Variants in LRRC28 observed in about 807,000 individuals in gnomAD.
LRRC28 encodes leucine rich repeat containing 28, also known as leucine-rich repeat-containing protein 28.
In LRRC28, 39 loss-of-function variants were observed where a neutral mutation model predicts 45.7. The ratio of observed to expected loss-of-function variants is 0.85; its 90% CI spans 0.66 to 1.12. The LOEUF is 1.12. LRRC28 is among the 50% of genes most tolerant of loss of function. The pLI, the probability that LRRC28 is intolerant of heterozygous loss-of-function variation, is 0.00. For synonymous variants in LRRC28, 206 were observed against 178.8 expected, an observed-to-expected ratio of 1.15 and a Z score of -1.22; for missense variants, 435 against 438.5, an observed-to-expected ratio of 0.99 and a Z score of 0.07.
At chr15:99,325,273 T>C (rs1243829247) in intron 5 of LRRC28, among the ~76,000 whole-genome samples, 2 of 152,252 alleles carry the variant, frequency 1.3e-5, no homozygotes, top group Non-Finnish European at 2.9e-5. Flanking sequence ...TTTTCTAATA[T>C]TGATCTTGTA....
At chr15:99,309,542 G>A (rs1461280037) in intron 5 of LRRC28, among the ~76,000 whole-genome samples, 2 of 152,130 alleles carry the variant, frequency 1.3e-5, no homozygotes, top group Non-Finnish European at 2.9e-5. Context: ...CTGAGTAGCT[G>A]GGATTACAGG....
At chr15:99,378,458 C>T (rs1269888593) in intron 9 of LRRC28, among the ~76,000 whole-genome samples, 1 of 152,200 alleles carries the variant, frequency 6.6e-6, no homozygotes, top group East Asian at 1.9e-4. Context: ...ATGGGGTTTT[C>T]TAAATATACA....
chr15:99,342,675 T>C (rs1956555700), intron 6 of LRRC28, among the ~76,000 whole-genome samples: 1 of 152,204 alleles, frequency 6.6e-6, no homozygotes, highest in Non-Finnish European at 1.5e-5. Context: ...TTGTGATCTT[T>C]TTGTTACCTG....
chr15:99,332,360 C>T (rs1597365378), intron 5 of LRRC28, among the ~76,000 whole-genome samples: 1 of 152,124 alleles, frequency 6.6e-6, no homozygotes, highest in East Asian at 1.9e-4. Context: ...ATATTTTGTT[C>T]AGTATTGAGG....
At chr15:99,345,288 T>C (rs1956643289) in intron 6 of LRRC28, among the ~76,000 whole-genome samples, 1 of 152,132 alleles carries the variant, frequency 6.6e-6, no homozygotes, top group African/African-American at 2.4e-5. Flanking sequence ...TTCTGCTTTC[T>C]GTGAGCCCCC....
At chr15:99,385,339 A>AC (rs1567718099) in intron 9 of LRRC28, among the ~76,000 whole-genome samples, 1 of 152,196 alleles carries the variant, frequency 6.6e-6, no homozygotes, top group Non-Finnish European at 1.5e-5. Context: ...AACAATCAGC[A>AC]CAGGGGGTCT....
At chr15:99,379,972 A>G (rs1051383238) in intron 9 of LRRC28, among the ~76,000 whole-genome samples, 3 of 152,186 alleles carry the variant, frequency 2.0e-5, no homozygotes, top group Non-Finnish European at 4.4e-5. Flanking sequence ...TATGTGGTCA[A>G]TTTTTGAATA....
At chr15:99,375,072 T>C (rs1957589046) in intron 9 of LRRC28, among the ~76,000 whole-genome samples, 1 of 152,210 alleles carries the variant, frequency 6.6e-6, no homozygotes, top group African/African-American at 2.4e-5. Flanking sequence ...ATAATTTTAA[T>C]CTGTTAAGTA....
chr15:99,326,812 CTT>C (rs1047962604), intron 5 of LRRC28, among the ~76,000 whole-genome samples: 114 of 152,158 alleles, frequency 7.5e-4, no homozygotes, highest in South Asian at 3.5e-3. Flanking sequence ...TTGTTAAGGA[CTT>C]TTGCACTTAT....
chr15:99,342,042 T>A (rs2152304896), intron 6 of LRRC28, among the ~76,000 whole-genome samples: 1 of 152,330 alleles, frequency 6.6e-6, no homozygotes, highest in South Asian at 2.1e-4. Context: ...ATTTTCCAAG[T>A]CCATACTGGA....
chr15:99,339,048 G>A (rs1956418106), intron 6 of LRRC28, among the ~76,000 whole-genome samples: 3 of 152,146 alleles, frequency 2.0e-5, no homozygotes, highest in South Asian at 4.1e-4. Context: ...TAGAGGCCTC[G>A]AGACGTGAAT....
At chr15:99,311,294 G>A (rs753154318) in intron 5 of LRRC28, among the ~76,000 whole-genome samples, 3 of 152,136 alleles carry the variant, frequency 2.0e-5, no homozygotes, top group Non-Finnish European at 2.9e-5. Context: ...GGATTTTAGA[G>A]CATTTCAGAT....
At position 99,266,636 on chromosome 15, in the gene LRRC28, T is replaced by G. The variant is rs551683811; in HGVS notation, c.169-9940T>G. Among the ~76,000 whole-genome samples, 3 of 152,356 alleles carry G rather than the reference T, an allele frequency of 2.0e-5. No individual in the cohort carries two copies. The East Asian group carries it at 5.8e-4, about 29-fold the overall frequency. On this transcript the variant is annotated intron_variant, in intron 2 of 9. Transcript: ENST00000301981. ...ATGGATATGTGTTTGAATCGGCATT[T>G]TCACTTGCAAGAATCTACCCAATAG...
intron 7 of LRRC28, among the ~76,000 whole-genome samples, chr15:99,354,219 T>C (rs1244879157): frequency 1.3e-5 from 2 of 152,196 alleles, no homozygotes; most frequent in Non-Finnish European, 2.9e-5. Context: ...GCCACTGTAT[T>C]CCTAAGCAAA....
chr15:99,287,261 C>A lies in LRRC28; in HGVS notation c.214C>A (p.Leu72Met), dbSNP rs1476339812. ...QKLPNLVELY[L>M]HSNNIVVVPE... ...TTTTTTCTTTTTCCTTCCTAGATAC[C>A]TGCACTCAAATAACATAGTTGTGGT... The change falls in exon 4 of 10, where the codon CTG (leucine) becomes ATG (methionine). Residue 72 changes from leucine to methionine, a missense_variant. Transcript: ENST00000301981. 1.3e-6 allele frequency: 2 copies of A among 1,570,504 alleles called. No individual in the cohort carries two copies. Among genetic ancestry groups the A allele is most frequent in the Admixed American group, 3.8e-5 (2 of 53,242 alleles).
intron 2 of LRRC28, among the ~76,000 whole-genome samples, chr15:99,272,001 T>C (rs115291780): frequency 8.3e-4 from 126 of 152,374 alleles, no homozygotes; most frequent in African/African-American, 2.8e-3. Context: ...TTTTCTTCTA[T>C]GAAGTGTGGT....
chr15:99,359,893 A>G (rs770699680), intron 7 of LRRC28, among the ~76,000 whole-genome samples: 4 of 152,194 alleles, frequency 2.6e-5, no homozygotes, highest in Non-Finnish European at 5.9e-5. Context: ...TCTTACCCAT[A>G]ATGATATTCC....
intron 7 of LRRC28, among the ~76,000 whole-genome samples, chr15:99,355,171 A>G (rs960088700): frequency 2.0e-5 from 3 of 152,234 alleles, no homozygotes; most frequent in Admixed American, 6.5e-5. Flanking sequence ...TTCTTATTCT[A>G]TGTTTATTTG....
rs147102008 is a variant in LRRC28 at position 99,372,837 on chromosome 15, A to C, written c.1031+9572A>C. Among the ~76,000 whole-genome samples the C allele has an allele frequency of 5.5e-3, 842 of 152,266 alleles. 8 individuals are homozygous for C. The highest frequency in any genetic ancestry group is 0.02 in the African/African-American group (817 of 41,564). On this transcript the variant is annotated intron_variant, in intron 9 of 9. Transcript: ENST00000301981. ...AAGGAAAGAGGTTTAATTGACTCAC[A>C]GTTCCACATGGCTGAGGAGGCCTCA...
Sources: allele counts gnomAD v4.1 joint callset (sites outside exome capture counted in the v4.1 genomes callset), GRCh38; gene constraint gnomAD v4.1.1; transcripts MANE v1.5; gene names NCBI Gene and HGNC (gene_info 2026-07-23, HGNC 2026-07-21).